The following DGKI variants were observed in gnomAD, a reference collection of about 807,000 sequenced individuals.
The protein encoded by DGKI is DAG kinase iota.
In DGKI, 55 loss-of-function variants were observed where a neutral mutation model predicts 147.5. The observed-to-expected ratio is 0.37, with a 90% confidence interval of 0.30 to 0.47. The LOEUF (loss-of-function observed/expected upper bound fraction) is 0.47. Among genes scored for constraint, DGKI ranks in the 20% least tolerant of loss-of-function variants. The pLI is 1.00. For missense variants in DGKI, 1,007 were observed against 1,323.8 expected, an observed-to-expected ratio of 0.76 and a Z score of 3.71; for synonymous variants, 469 against 477.1, an observed-to-expected ratio of 0.98 and a Z score of 0.22.
rs2351138 is a variant in DGKI, at chr7:137,386,644, C to T, written c.*4576G>A. On this transcript the variant is annotated 3_prime_UTR_variant, in exon 33 of 33. Transcript: ENST00000614521. ...GCAGAAAGTTCAGGGACAGGACTGCCGCTATGGCCCAAAACTTAGAGAGAC... is the reference window on the plus strand; with the variant it reads ...GCAGAAAGTTCAGGGACAGGACTGCTGCTATGGCCCAAAACTTAGAGAGAC... 47,173 of 151,854 alleles carry T rather than the reference C, an allele frequency of 0.31. 7,652 individuals are homozygous for T. The highest frequency in any genetic ancestry group is 0.36 in the Admixed American group (5,541 of 15,220). The allele number at this position is 151,854 out of a possible 1,614,324, so 9.4% of individuals were successfully genotyped here.
chr7:137,628,936 T>C (rs1182900450), intron 6 of DGKI, among the ~76,000 whole-genome samples: 1 of 152,268 alleles, frequency 6.6e-6, no homozygotes, highest in Non-Finnish European at 1.5e-5. Flanking sequence ...TATTTCATTA[T>C]TTCTGTATTT....
intron 3 of DGKI, among the ~76,000 whole-genome samples, chr7:137,672,968 G>A (rs1469045614): frequency 2.6e-5 from 4 of 151,982 alleles, no homozygotes; most frequent in Non-Finnish European, 5.9e-5. Context: ...TTTTAGTAGA[G>A]ATGGGGTTTC....
At chr7:137,415,215 G>T (rs550622933) in intron 28 of DGKI, among the ~76,000 whole-genome samples, 1 of 152,114 alleles carries the variant, frequency 6.6e-6, no homozygotes, top group Non-Finnish European at 1.5e-5. Context: ...CTCCGTATCT[G>T]CAGGTTCCAA....
chr7:137,844,129 T>G (rs1423151948), intron 1 of DGKI, among the ~76,000 whole-genome samples: 1 of 152,114 alleles, frequency 6.6e-6, no homozygotes, highest in Non-Finnish European at 1.5e-5. Context: ...CATCCCACAG[T>G]AAAACAGCCA....
intron 1 of DGKI, among the ~76,000 whole-genome samples, chr7:137,820,387 T>A (rs143073127): frequency 3.6e-4 from 55 of 152,296 alleles, no homozygotes; most frequent in African/African-American, 1.3e-3. Flanking sequence ...TTCTGATTCA[T>A]CCCACAGAAA....
intron 1 of DGKI, among the ~76,000 whole-genome samples, chr7:137,798,295 C>A (rs186938713): frequency 2.4e-4 from 36 of 152,318 alleles, no homozygotes; most frequent in Non-Finnish European, 4.6e-4. Context: ...TTCATAAAAT[C>A]TTGTGAGAAC....
chr7:137,674,717 C>G (rs1342957687), intron 3 of DGKI, among the ~76,000 whole-genome samples: 1 of 152,192 alleles, frequency 6.6e-6, no homozygotes, highest in East Asian at 1.9e-4. Flanking sequence ...TGAGTCTGCT[C>G]ATGTTCCTCT....
intron 17 of DGKI, among the ~76,000 whole-genome samples, chr7:137,575,496 C>T (rs1352063192): frequency 6.6e-6 from 1 of 152,188 alleles, no homozygotes; most frequent in African/African-American, 2.4e-5. Context: ...ATATGGCCAC[C>T]ACCCAGCATG....
chr7:137,548,871 G>C (rs551005039), intron 20 of DGKI, among the ~76,000 whole-genome samples: 4 of 152,286 alleles, frequency 2.6e-5, no homozygotes, highest in Non-Finnish European at 5.9e-5. Context: ...TGAGGCAGGA[G>C]AATCACTTGA....
At chr7:137,722,341 G>A (rs1794588304) in intron 1 of DGKI, 1 of 1,612,794 alleles carries the variant, frequency 6.2e-7, no homozygotes, top group Non-Finnish European at 8.5e-7. Flanking sequence ...TTATCCTACT[G>A]AAGATGTGCC....
chr7:137,438,007 A>G (rs2128914457), intron 28 of DGKI, among the ~76,000 whole-genome samples: 1 of 152,268 alleles, frequency 6.6e-6, no homozygotes, highest in African/African-American at 2.4e-5. Flanking sequence ...TATCTTTATG[A>G]TTATGCTTTG....
chr7:137,727,133 A>AT (rs1043588549), intron 1 of DGKI, among the ~76,000 whole-genome samples: 4 of 152,076 alleles, frequency 2.6e-5, no homozygotes, highest in Non-Finnish European at 5.9e-5. Context: ...GGAAATAAGT[A>AT]TTTTTTTCCT....
At position 137,609,066 on chromosome 7, in the gene DGKI, T is replaced by A. The variant is rs1191749076; in HGVS notation, c.1069-2A>T. ...AAAAGGACGACCTTTGTTTTCCTGC[T>A]GAAAGAAGCAATCAGCACTGTTAGG... On this transcript the variant is annotated splice_acceptor_variant, in intron 9 of 32. Coordinates refer to ENST00000614521, the MANE Select transcript of DGKI (RefSeq NM_001321708.2). LOFTEE classifies it high-confidence loss of function. 1 of 1,611,354 alleles carries A rather than the reference T, an allele frequency of 6.2e-7. No individual in the cohort carries two copies. The highest frequency in any genetic ancestry group is 1.7e-5 in the Admixed American group (1 of 59,984).
chr7:137,403,546 G>C (rs1325207426), intron 30 of DGKI, among the ~76,000 whole-genome samples: 2 of 152,124 alleles, frequency 1.3e-5, no homozygotes, highest in Non-Finnish European at 2.9e-5. Flanking sequence ...GAGGGGAGAG[G>C]GGCTCAGGAG....
intron 10 of DGKI, among the ~76,000 whole-genome samples, chr7:137,605,751 C>A (rs1820162772): frequency 6.6e-6 from 1 of 152,080 alleles, no homozygotes; most frequent in African/African-American, 2.4e-5. Context: ...TGTAGTAGAG[C>A]TAAGAAAGTG....
chr7:137,825,730 A>T (rs577602072), intron 1 of DGKI, among the ~76,000 whole-genome samples: 1 of 148,030 alleles, frequency 6.8e-6, no homozygotes, highest in East Asian at 1.9e-4. Context: ...ACACACACAC[A>T]CTCAGTGGTA....
intron 1 of DGKI, among the ~76,000 whole-genome samples, chr7:137,819,501 G>A (rs1012624458): frequency 8.6e-5 from 13 of 151,816 alleles, no homozygotes; most frequent in Non-Finnish European, 1.2e-4. Flanking sequence ...TAGTAGAGAC[G>A]GGGTTTCACC....
intron 5 of DGKI, among the ~76,000 whole-genome samples, chr7:137,652,976 T>G (rs1822083149): frequency 6.6e-6 from 1 of 152,162 alleles, no homozygotes; most frequent in Admixed American, 6.5e-5. Context: ...CCACTCAACC[T>G]TCTATTGGGC....
chr7:137,727,354 C>G (rs1469229568), intron 1 of DGKI, among the ~76,000 whole-genome samples: 1 of 152,024 alleles, frequency 6.6e-6, no homozygotes, highest in Non-Finnish European at 1.5e-5. Flanking sequence ...AAGTTATCAT[C>G]AAAAAGAAAA....
Sources: allele counts gnomAD v4.1 joint callset (sites outside exome capture counted in the v4.1 genomes callset), GRCh38; gene constraint gnomAD v4.1.1; transcripts MANE v1.5; gene names NCBI Gene and HGNC (gene_info 2026-07-23, HGNC 2026-07-21).